The following UNC93A variants were observed in gnomAD, a reference collection of about 807,000 sequenced individuals.
UNC93A encodes the protein N-acetylglucosamine transporter UNC93A.
A neutral mutation model predicts 47.5 loss-of-function variants in UNC93A; 43 were observed. The observed-to-expected ratio is 0.91, with a 90% CI of 0.71 to 1.17. UNC93A has a LOEUF of 1.17. Ranked by LOEUF, UNC93A falls within the 50% of genes most tolerant of loss-of-function variation. The pLI is 0.00. For synonymous variants in UNC93A, 280 were observed against 258.0 expected (o/e 1.09, Z -0.82); for missense variants, 605 against 577.6 (o/e 1.05, Z -0.49).
intron 1 of UNC93A, among the ~76,000 whole-genome samples, chr6:167,277,481 CA>C (rs1783562262): frequency 6.6e-6 from 1 of 152,138 alleles, no homozygotes; most frequent in Admixed American, 6.5e-5. Context: ...TCCCCCTCCA[CA>C]AAAGAACGGC....
chr6:167,302,435 G>A (rs151217734), intron 4 of UNC93A, among the ~76,000 whole-genome samples: 20 of 152,206 alleles, frequency 1.3e-4, no homozygotes, highest in East Asian at 1.2e-3. Context: ...GGGAAGGATC[G>A]CCACCACTCT....
At chr6:167,296,454 C>T (rs866540570) in intron 3 of UNC93A, among the ~76,000 whole-genome samples, 193 bp downstream of exon 3, 2 of 152,202 alleles carry the variant, frequency 1.3e-5, no homozygotes, top group African/African-American at 4.8e-5. Context: ...TCTGGACAGT[C>T]GGGTGGGACT....
chr6:167,279,137 A>G (rs1461735239), intron 1 of UNC93A, among the ~76,000 whole-genome samples: 1 of 152,224 alleles, frequency 6.6e-6, no homozygotes, highest in African/African-American at 2.4e-5. Flanking sequence ...TAGATGTGTT[A>G]AAAAGAATGT....
rs1038779694 is a variant in UNC93A, at chr6:167,304,999, G to T, written c.840+866G>T. On this transcript the variant is annotated intron_variant, in intron 5 of 7. Coordinates refer to ENST00000230256, the MANE Select transcript of UNC93A (RefSeq NM_018974.4). The stretch of plus-strand genomic sequence containing the variant: ...GGTGCCCCACCTCAGGGTGCATAAA[G>T]AAAGAAGCCACTCCTGGAGGCTGTT... Among the ~76,000 whole-genome samples the T allele has an allele frequency of 1.6e-3, 246 of 152,314 alleles. 2 individuals are homozygous for T. Among genetic ancestry groups the T allele is most frequent in the Non-Finnish European group, 2.4e-4 (16 of 68,018 alleles).
At chr6:167,299,753 T>C (rs1778188875) in intron 4 of UNC93A, among the ~76,000 whole-genome samples, 1 of 151,972 alleles carries the variant, frequency 6.6e-6, no homozygotes, top group Non-Finnish European at 1.5e-5. Context: ...GGCAGGGAAG[T>C]GATGCTGAAG....
intron 2 of UNC93A, 59 bp downstream of exon 2, chr6:167,294,757 T>C: frequency 6.5e-7 from 1 of 1,527,184 alleles, no homozygotes; most frequent in Middle Eastern, 1.9e-4. Context: ...CTAGGGACGT[T>C]CACTCTGCAC....
chr6:167,291,990 C>A (rs1322550421), intron 1 of UNC93A, among the ~76,000 whole-genome samples: 1 of 152,154 alleles, frequency 6.6e-6, no homozygotes, highest in African/African-American at 2.4e-5. Context: ...ACATTCCAAG[C>A]CTACTCTAAG....
chr6:167,283,640 C>T (rs187710073), intron 1 of UNC93A, among the ~76,000 whole-genome samples: 68 of 152,288 alleles, frequency 4.5e-4, no homozygotes, highest in Admixed American at 2.6e-4. Context: ...CACTCCCCCG[C>T]GTTGCCTGCC....
chr6:167,282,285 G>A (rs56000381), intron 1 of UNC93A, among the ~76,000 whole-genome samples: 19,831 of 152,008 alleles, frequency 0.13, 1,678 homozygotes, highest in South Asian at 0.28. Flanking sequence ...GAGAGAGAGT[G>A]GAGGCCTGCA....
intron 6 of UNC93A, among the ~76,000 whole-genome samples, chr6:167,306,723 G>A (rs574855759): frequency 6.6e-5 from 10 of 152,302 alleles, no homozygotes; most frequent in East Asian, 5.8e-4. Flanking sequence ...TCTTCACGGC[G>A]CCCTGTGAAG....
chr6:167,306,115 TCA>T, intron 6 of UNC93A, 65 bp downstream of exon 6: 2 of 1,602,148 alleles, frequency 1.2e-6, no homozygotes, highest in Non-Finnish European at 1.7e-6. Flanking sequence ...AGCGCACAGC[TCA>T]CAGTCAGGAC....
intron 1 of UNC93A, among the ~76,000 whole-genome samples, chr6:167,278,282 C>T (rs1403063316): frequency 3.3e-5 from 5 of 152,138 alleles, no homozygotes; most frequent in Non-Finnish European, 7.3e-5. Context: ...GAATTTATGC[C>T]AATTGCAGTC....
chr6:167,274,033 G>A (rs141780926), intron 1 of UNC93A, among the ~76,000 whole-genome samples: 1,936 of 152,214 alleles, frequency 0.013, 42 homozygotes, highest in African/African-American at 0.044. Context: ...ACAGAATATA[G>A]ACTTTCCCCA....
chr6:167,306,352 C>G (rs1583089809), intron 6 of UNC93A, among the ~76,000 whole-genome samples: 3 of 152,186 alleles, frequency 2.0e-5, no homozygotes, highest in Non-Finnish European at 4.4e-5. Context: ...GGCAGGGTCT[C>G]TGCAGGTGCA....
At chr6:167,292,696 GTGT>G (rs1008102155) in intron 1 of UNC93A, among the ~76,000 whole-genome samples, 2 of 152,228 alleles carry the variant, frequency 1.3e-5, no homozygotes, top group African/African-American at 4.8e-5. Context: ...CCAGAACTTT[GTGT>G]TGTTGTCACA....
At chr6:167,272,973 G>T (rs187073673) in intron 1 of UNC93A, among the ~76,000 whole-genome samples, 1 of 152,020 alleles carries the variant, frequency 6.6e-6, no homozygotes, top group Non-Finnish European at 1.5e-5. Context: ...ATTTAAGAGT[G>T]CCCTGGCAGA....
At chr6:167,304,932 C>G (rs573562325) in intron 5 of UNC93A, among the ~76,000 whole-genome samples, 1 of 152,298 alleles carries the variant, frequency 6.6e-6, no homozygotes, top group Admixed American at 6.5e-5. Context: ...AGCTTCTGCT[C>G]CATCCACTCC....
rs760149743 is a variant in UNC93A, at chr6:167,294,702, C to T, written c.269+4C>T. 4.1e-5 allele frequency: 65 copies of T among 1,584,314 alleles called. No homozygotes were observed. The highest frequency in any genetic ancestry group is 5.1e-5 in the Non-Finnish European group (59 of 1,161,314). ...TGGGCAACTTCTTCGCCAGCTGGTA[C>T]GCAGCCACCACCCCCTGCCCACCCC... On this transcript the variant is annotated splice_donor_region_variant and intron_variant, in intron 2 of 7. Transcript: ENST00000230256.
intron 1 of UNC93A, among the ~76,000 whole-genome samples, chr6:167,276,587 G>A (rs971216846): frequency 3.3e-5 from 5 of 152,090 alleles, no homozygotes; most frequent in African/African-American, 7.3e-5. Flanking sequence ...GTGCACAGTG[G>A]CTGAGCCTAC....
Sources: allele counts gnomAD v4.1 joint callset (sites outside exome capture counted in the v4.1 genomes callset), GRCh38; gene constraint gnomAD v4.1.1; transcripts MANE v1.5; gene names NCBI Gene and HGNC (gene_info 2026-07-23, HGNC 2026-07-21).